The following NOS1 variants were observed in gnomAD, a reference collection of about 807,000 sequenced individuals.
NOS1 encodes nitric oxide synthase 1, also known as NOS type I.
A neutral mutation model predicts 164.5 loss-of-function variants in NOS1; 51 were observed. The ratio of observed to expected loss-of-function variants is 0.31; its 90% CI spans 0.25 to 0.39. NOS1 has a LOEUF of 0.39. Ranked by LOEUF, NOS1 falls within the 10% of genes least tolerant of loss-of-function variation. The probability of loss-of-function intolerance (pLI) is 1.00; values close to 1 mark genes in which losing one functional copy is unlikely to be tolerated. For synonymous variants in NOS1, 719 were observed against 745.8 expected, an observed-to-expected ratio of 0.96 and a Z score of 0.59; for missense variants, 1,362 against 1,885.6, an observed-to-expected ratio of 0.72 and a Z score of 5.14.
At position 117,209,048 on chromosome 12, in the gene NOS1, G is replaced by A; in HGVS notation, c.*6261C>T. On this transcript the variant is annotated 3_prime_UTR_variant, in exon 29 of 29. Transcript: ENST00000317775. ...TGGGAGGGGTTTTTGAAAGCATACTGCCCTCCCCATGCCCCCTCCCCCGGA... is the reference window on the plus strand; with the variant it reads ...TGGGAGGGGTTTTTGAAAGCATACTACCCTCCCCATGCCCCCTCCCCCGGA... 2 of 985,212 alleles carry A rather than the reference G, an allele frequency of 2.0e-6. No individual in the cohort carries two copies. The highest frequency in any genetic ancestry group is 2.4e-6 in the Non-Finnish European group (2 of 829,874). The allele number at this position is 985,212 out of a possible 1,614,324, so 61.0% of individuals were successfully genotyped here.
chr12:117,280,447 C>T (rs1873546447), intron 8 of NOS1, among the ~76,000 whole-genome samples: 1 of 152,144 alleles, frequency 6.6e-6, no homozygotes, highest in Non-Finnish European at 1.5e-5. Flanking sequence ...TCTTGAGTAA[C>T]TCACTTGGCC....
rs182914086 is a variant in NOS1, at chr12:117,234,124, G to T, written c.3235+441C>A. Among the ~76,000 whole-genome samples the T allele has an allele frequency of 6.6e-6, 1 of 152,244 alleles. No homozygotes were observed. The highest frequency in any genetic ancestry group is 2.4e-5 in the African/African-American group (1 of 41,548). Reference sequence around the variant, plus strand: ...CTTGACCTAATGAGGTAAAAAACGTGGGCTCAATCCCTAGTTGGCCATCGA... The same window carrying T: ...CTTGACCTAATGAGGTAAAAAACGTTGGCTCAATCCCTAGTTGGCCATCGA... On this transcript the variant is annotated intron_variant, in intron 21 of 28. Coordinates refer to ENST00000317775, the MANE Select transcript of NOS1 (RefSeq NM_000620.5). The surrounding 1 kb of genome is among the most constrained non-coding windows in gnomAD (Gnocchi z 4.3).
At chr12:117,291,529 C>CTTTTTTTTTTTTTTTT (rs565345654) in intron 3 of NOS1, among the ~76,000 whole-genome samples, 2 of 97,384 alleles carry the variant, frequency 2.1e-5, no homozygotes, top group Non-Finnish European at 3.9e-5. Context: ...TTACATCTGT[C>CTTTTTTTTTTTTTTTT]TTTTTTTTTT....
intron 25 of NOS1, 59 bp downstream of exon 25, chr12:117,224,957 C>G (rs528924368): frequency 6.2e-7 from 1 of 1,611,430 alleles, no homozygotes; most frequent in Non-Finnish European, 8.5e-7. Context: ...TGCTGAGACA[C>G]AGCTGGACCT....
chr12:117,264,924 G>A (rs1270271150), intron 12 of NOS1, among the ~76,000 whole-genome samples: 5 of 151,638 alleles, frequency 3.3e-5, no homozygotes, highest in African/African-American at 4.9e-5. Context: ...GGCTGGTCTC[G>A]AACTCCTGAC....
chr12:117,314,234 G>T (rs529622977), intron 2 of NOS1, among the ~76,000 whole-genome samples: 1 of 152,322 alleles, frequency 6.6e-6, no homozygotes, highest in African/African-American at 2.4e-5. Flanking sequence ...ACCCAGAGTG[G>T]CTCTTGATTA....
At chr12:117,350,346 C>A (rs554634471) in intron 1 of NOS1, among the ~76,000 whole-genome samples, 7 of 152,172 alleles carry the variant, frequency 4.6e-5, no homozygotes, top group African/African-American at 1.7e-4. Context: ...TTACTAGTTA[C>A]CTGTTGACTG....
At chr12:117,256,660 T>G (rs769161912) in intron 16 of NOS1, among the ~76,000 whole-genome samples, 1 of 152,154 alleles carries the variant, frequency 6.6e-6, no homozygotes, top group Non-Finnish European at 1.5e-5. Context: ...CACAGGGATC[T>G]GCTTGCTCCA....
intron 11 of NOS1, among the ~76,000 whole-genome samples, chr12:117,266,394 T>TA (rs1458723047): frequency 6.6e-6 from 1 of 152,200 alleles, no homozygotes; most frequent in Non-Finnish European, 1.5e-5. Flanking sequence ...TCACTTAGAA[T>TA]AATAGTCTCC....
rs142340036 is a variant in NOS1, at chr12:117,358,005, C to T, written c.-421+3507G>A. On this transcript the variant is annotated intron_variant, in intron 1 of 28. Coordinates refer to ENST00000317775, the MANE Select transcript of NOS1 (RefSeq NM_000620.5). ...TCTAATGGGAAAAAGCCCCAGTTCTCACGAGCACGGATTGTTGCCTGTGGC... is the reference window on the plus strand; with the variant it reads ...TCTAATGGGAAAAAGCCCCAGTTCTTACGAGCACGGATTGTTGCCTGTGGC... Among the ~76,000 whole-genome samples the T allele has an allele frequency of 3.1e-4, 47 of 152,342 alleles. 1 individual carries two copies. The highest frequency in any genetic ancestry group is 1.1e-3 in the African/African-American group (44 of 41,578).
chr12:117,253,564 A>C (rs940901055), intron 17 of NOS1, 74 bp downstream of exon 17: 2 of 984,546 alleles, frequency 2.0e-6, no homozygotes, highest in Non-Finnish European at 3.2e-6. Flanking sequence ...CGAAGCGCTC[A>C]CTTTGTAAGT....
intron 1 of NOS1, among the ~76,000 whole-genome samples, chr12:117,345,106 A>G (rs1424001582): frequency 6.9e-6 from 1 of 145,432 alleles, no homozygotes; most frequent in East Asian, 2.0e-4. Flanking sequence ...ATCTCGGCTC[A>G]CTGCAACCTC....
At position 117,272,329 on chromosome 12, in the gene NOS1, AGCTGGCACCCTCTGCTATGTGCTTTTCCC is replaced by A. The variant is rs1490505729; in HGVS notation, c.1839+27_1839+55del. On this transcript the variant is annotated intron_variant, in intron 10 of 28. Coordinates refer to ENST00000317775, the MANE Select transcript of NOS1 (RefSeq NM_000620.5). The surrounding 1 kb of genome is among the most constrained non-coding windows in gnomAD (Gnocchi z 4.3). ...CTCGCCGTGGGGAAGGGGACTGCTGAGCTGGCACCCTCTGCTATGTGCTTTTCCCCTGTGGTGACCAGAGAGGGCCCTTA... is the reference window on the plus strand; with the variant it reads ...CTCGCCGTGGGGAAGGGGACTGCTGACTGTGGTGACCAGAGAGGGCCCTTA... 5.9e-5 allele frequency: 94 copies of A among 1,598,086 alleles called. No homozygotes were observed. Among genetic ancestry groups the A allele is most frequent in the Non-Finnish European group, 1.2e-5 (14 of 1,167,038 alleles).
Position 117,330,797 on chromosome 12 carries a change from G to A in NOS1, c.273C>T (p.Thr91=), listed in dbSNP as rs9658276. ...GGCCCCTCAGAATGAGGACCACGTG[G>A]GTCTCAGAGGCAATGCCTCTGAGTA... ...LEVLRGIASE[T]HVVLILRGPE... is the part of the protein sequence containing the mutation. The change falls in exon 2 of 29, where the codon ACC becomes ACT. Residue 91 remains threonine (T), a synonymous_variant. Transcript: ENST00000317775. The surrounding 1 kb of genome is among the most constrained non-coding windows in gnomAD (Gnocchi z 4.6). 3,726 of 1,614,022 alleles carry A rather than the reference G, an allele frequency of 2.3e-3. 80 individuals carry two copies. The African/African-American group carries it at 0.044, about 19-fold the overall frequency.
At chr12:117,343,167 CAAA>C (rs762397215) in intron 1 of NOS1, among the ~76,000 whole-genome samples, 1 of 129,388 alleles carries the variant, frequency 7.7e-6, no homozygotes, top group Non-Finnish European at 1.6e-5. Context: ...CCATCTCTAC[CAAA>C]AAAAAAAAAA....
intron 3 of NOS1, chr12:117,301,907 A>G (rs778820020): frequency 2.3e-6 from 1 of 439,862 alleles, no homozygotes; most frequent in Non-Finnish European, 4.6e-6. Context: ...GCCAAATAAG[A>G]ACAATAGTAA....
chr12:117,293,020 A>G (rs964186254), intron 3 of NOS1, among the ~76,000 whole-genome samples: 1 of 152,180 alleles, frequency 6.6e-6, no homozygotes, highest in African/African-American at 2.4e-5. Flanking sequence ...TAGCCAGGCA[A>G]GGAAGAGGAA....
At chr12:117,350,228 T>G (rs549685700) in intron 1 of NOS1, among the ~76,000 whole-genome samples, 1 of 152,242 alleles carries the variant, frequency 6.6e-6, no homozygotes, top group African/African-American at 2.4e-5. Flanking sequence ...GAACCTTTTG[T>G]GCTTTGATAA....
At chr12:117,265,192 G>T in intron 12 of NOS1, 124 bp downstream of exon 12, 1 of 761,976 alleles carries the variant, frequency 1.3e-6, no homozygotes, top group Non-Finnish European at 1.9e-6. Context: ...CAATATGGTA[G>T]CCACCAGCCA....
Sources: allele counts gnomAD v4.1 joint callset (sites outside exome capture counted in the v4.1 genomes callset), GRCh38; gene constraint gnomAD v4.1.1; non-coding constraint Gnocchi (gnomAD v3.1); transcripts MANE v1.5; gene names NCBI Gene and HGNC (gene_info 2026-07-23, HGNC 2026-07-21).